The following ADAMTS20 variants were observed in gnomAD, a reference collection of about 807,000 sequenced individuals.
ADAMTS20 encodes the protein ADAM metallopeptidase with thrombospondin type 1 motif 20.
In ADAMTS20, 225 loss-of-function variants were observed where a neutral mutation model predicts 260.1. The observed-to-expected ratio is 0.87, with a 90% CI of 0.78 to 0.97. The LOEUF (loss-of-function observed/expected upper bound fraction) is 0.97. ADAMTS20 is among the 50% of genes least tolerant of loss of function. ADAMTS20 has a pLI of 0.00. For synonymous variants in ADAMTS20, 802 were observed against 769.5 expected, an observed-to-expected ratio of 1.04 and a Z score of -0.70; for missense variants, 2,400 against 2,337.7, an observed-to-expected ratio of 1.03 and a Z score of -0.55.
At chr12:43,390,997 T>C (rs866509919) in intron 29 of ADAMTS20, among the ~76,000 whole-genome samples, 8 of 152,218 alleles carry the variant, frequency 5.3e-5, no homozygotes, top group African/African-American at 1.9e-4. Context: ...CTATTAGGGC[T>C]GCTATAACAA....
Position 43,543,851 on chromosome 12 carries a change from G to A in ADAMTS20, c.453+7058C>T, listed in dbSNP as rs112760319. Among the ~76,000 whole-genome samples the A allele has an allele frequency of 8.6e-3, 1,301 of 152,092 alleles. 23 individuals carry two copies. The highest frequency in any genetic ancestry group is 0.03 in the African/African-American group (1,234 of 41,496). ...TAGAATATACATAAAATTGGTTTGC[G>A]TCACCTTTGGGCTGAGAAAGTCAAG... On this transcript the variant is annotated intron_variant, in intron 2 of 38. Coordinates refer to ENST00000389420, the MANE Select transcript of ADAMTS20 (RefSeq NM_025003.5).
intron 2 of ADAMTS20, among the ~76,000 whole-genome samples, chr12:43,540,653 G>A (rs1197684051): frequency 6.7e-6 from 1 of 149,740 alleles, no homozygotes; most frequent in Non-Finnish European, 1.5e-5. Context: ...AAAAAAACAG[G>A]TGGTTCATAG....
chr12:43,495,530 A>C (rs555920792), intron 4 of ADAMTS20, among the ~76,000 whole-genome samples: 1 of 152,348 alleles, frequency 6.6e-6, no homozygotes, highest in Non-Finnish European at 1.5e-5. Context: ...ATAGATATAC[A>C]TAATGCTAGT....
intron 2 of ADAMTS20, among the ~76,000 whole-genome samples, chr12:43,547,923 G>T (rs930800378): frequency 1.3e-5 from 2 of 152,058 alleles, no homozygotes; most frequent in Non-Finnish European, 2.9e-5. Flanking sequence ...ATGGCACAAA[G>T]AACATCACCA....
At chr12:43,386,391 G>A (rs1940478330) in intron 29 of ADAMTS20, among the ~76,000 whole-genome samples, 1 of 152,166 alleles carries the variant, frequency 6.6e-6, no homozygotes. Flanking sequence ...TGGGTAACCA[G>A]ACCATTCTCT....
Position 43,377,446 on chromosome 12 carries a change from A to G in ADAMTS20, c.4914T>C (p.Pro1638=). Reference sequence around the variant, plus strand: ...GGTAAACCTGAGAGGAAGGCACCACAGGGCATTCTTGATAAACTATAGGCC... The same window carrying G: ...GGTAAACCTGAGAGGAAGGCACCACGGGGCATTCTTGATAAACTATAGGCC... ...RLRPIVYQEC[P]VVPSSQVYQC... The change falls in exon 32 of 39, where the codon CCT becomes CCC. Residue 1638 remains proline, a synonymous_variant. Coordinates refer to ENST00000389420, the MANE Select transcript of ADAMTS20 (RefSeq NM_025003.5). The G allele has an allele frequency of 1.9e-6, 3 of 1,613,698 alleles. No individual in the cohort carries two copies. Among genetic ancestry groups the G allele is most frequent in the Non-Finnish European group, 2.5e-6 (3 of 1,179,738 alleles).
chr12:43,492,396 G>GCAAAA, intron 6 of ADAMTS20, 109 bp downstream of exon 6: 1 of 1,285,260 alleles, frequency 7.8e-7, no homozygotes, highest in Non-Finnish European at 1.1e-6. Context: ...AAAAGAAAAA[G>GCAAAA]AAAAAGAAAA....
chr12:43,419,683 G>A (rs4768042), intron 28 of ADAMTS20, among the ~76,000 whole-genome samples: 1 of 151,636 alleles, frequency 6.6e-6, no homozygotes, highest in Non-Finnish European at 1.5e-5. Context: ...AGAGTTTTTA[G>A]GGTTATTTTA....
chr12:43,386,826 T>A (rs1294473059), intron 29 of ADAMTS20, among the ~76,000 whole-genome samples: 2 of 152,254 alleles, frequency 1.3e-5, no homozygotes, highest in African/African-American at 2.4e-5. Context: ...GCTGTGTTTT[T>A]CAGCTCCATC....
chr12:43,450,094 C>T (rs987857370), intron 14 of ADAMTS20, among the ~76,000 whole-genome samples: 23 of 152,222 alleles, frequency 1.5e-4, no homozygotes, highest in African/African-American at 5.3e-4. Flanking sequence ...TAGAACTCTG[C>T]AAATAGTCTT....
intron 2 of ADAMTS20, among the ~76,000 whole-genome samples, chr12:43,534,388 A>G (rs1592114360): frequency 6.6e-6 from 1 of 152,360 alleles, no homozygotes; most frequent in Admixed American, 6.5e-5. Context: ...TGTCAGTACA[A>G]TCAGTATGCA....
chr12:43,427,575 A>C (rs1374114738), intron 26 of ADAMTS20, 106 bp from the exon 27 acceptor site: 2 of 1,069,444 alleles, frequency 1.9e-6, no homozygotes, highest in African/African-American at 1.6e-5. Context: ...ATCAAACCCT[A>C]CATTAGAATC....
intron 29 of ADAMTS20, among the ~76,000 whole-genome samples, chr12:43,396,789 A>C (rs1374399443): frequency 6.6e-6 from 1 of 152,152 alleles, no homozygotes; most frequent in Non-Finnish European, 1.5e-5. Flanking sequence ...TGGATTCACT[A>C]TTGTGGAGCT....
In ADAMTS20 at chr12:43,551,635, T is replaced by A. The variant is rs889021149; in HGVS notation, c.91+196A>T. On this transcript the variant is annotated intron_variant, in intron 1 of 38. Transcript: ENST00000389420. This position sits in a 1 kb window ranked among gnomAD's most constrained non-coding sequence, Gnocchi z 4.6. ...CCGCCGTGTGGTCCTGGGAGTGCGA[T>A]GCGTCTTAGGCGCGCGCGATTCCTC... 2.0e-5 allele frequency among the ~76,000 whole-genome samples: 3 copies of A among 152,196 alleles called. No homozygotes were observed. Among genetic ancestry groups the A allele is most frequent in the Non-Finnish European group, 4.4e-5 (3 of 68,034 alleles).
At chr12:43,519,578 C>A (rs1053675424) in intron 3 of ADAMTS20, among the ~76,000 whole-genome samples, 1 of 152,132 alleles carries the variant, frequency 6.6e-6, no homozygotes. Context: ...TATTCAATGT[C>A]CAACTCCACT....
At chr12:43,375,323 GA>G (rs1940199474) in intron 36 of ADAMTS20, 55 bp downstream of exon 36, 1 of 1,561,714 alleles carries the variant, frequency 6.4e-7, no homozygotes. Flanking sequence ...CATATTGTTT[GA>G]CGTTCATAAG....
chr12:43,433,032 C>T (rs1056964739), intron 19 of ADAMTS20, among the ~76,000 whole-genome samples: 2 of 151,620 alleles, frequency 1.3e-5, no homozygotes, highest in African/African-American at 4.8e-5. Flanking sequence ...CAAGCTTCCT[C>T]AAAAACCTCT....
chr12:43,501,684 A>G (rs1942769697), intron 4 of ADAMTS20, among the ~76,000 whole-genome samples: 1 of 152,092 alleles, frequency 6.6e-6, no homozygotes, highest in African/African-American at 2.4e-5. Context: ...ATTAGTAATA[A>G]TCTATCCCTT....
At chr12:43,400,100 T>C (rs1428504857) in intron 28 of ADAMTS20, among the ~76,000 whole-genome samples, 1 of 152,074 alleles carries the variant, frequency 6.6e-6, no homozygotes, top group Non-Finnish European at 1.5e-5. Flanking sequence ...AACCCAGTCC[T>C]ACTACACTTG....
Sources: allele counts gnomAD v4.1 joint callset (sites outside exome capture counted in the v4.1 genomes callset), GRCh38; gene constraint gnomAD v4.1.1; non-coding constraint Gnocchi (gnomAD v3.1); transcripts MANE v1.5; gene names NCBI Gene and HGNC (gene_info 2026-07-23, HGNC 2026-07-21).